The following DCC variants were observed in gnomAD, a reference collection of about 807,000 sequenced individuals.
DCC encodes netrin receptor DCC.
In DCC, 58 loss-of-function variants were observed where a neutral mutation model predicts 172.5. The observed-to-expected ratio is 0.34, with a 90% CI of 0.27 to 0.42. The LOEUF is 0.42. DCC is among the 10% of genes least tolerant of loss of function. DCC has a pLI of 1.00. For missense variants in DCC, 1,740 were observed against 1,791.0 expected, an observed-to-expected ratio of 0.97 and a Z score of 0.51; for synonymous variants, 709 against 644.5, an observed-to-expected ratio of 1.10 and a Z score of -1.52.
At chr18:52,819,898 T>C (rs1478872322) in intron 2 of DCC, among the ~76,000 whole-genome samples, 1 of 151,972 alleles carries the variant, frequency 6.6e-6, no homozygotes, top group African/African-American at 2.4e-5. Context: ...TTTTTTTTAT[T>C]TTTAGTAGAG....
chr18:52,532,949 C>T (rs2032192901), intron 1 of DCC, among the ~76,000 whole-genome samples: 1 of 152,120 alleles, frequency 6.6e-6, no homozygotes, highest in South Asian at 2.1e-4. Flanking sequence ...GACTCATTCC[C>T]ACCACCTCTC....
chr18:52,521,642 CTGTATT>C (rs1379098279), intron 1 of DCC, among the ~76,000 whole-genome samples: 5 of 152,036 alleles, frequency 3.3e-5, no homozygotes, highest in Non-Finnish European at 7.4e-5. Context: ...CTGATAAACT[CTGTATT>C]TGTCTTCAGT....
At chr18:53,387,441 T>C (rs1267966838) in intron 16 of DCC, among the ~76,000 whole-genome samples, 2 of 152,212 alleles carry the variant, frequency 1.3e-5, no homozygotes, top group Non-Finnish European at 2.9e-5. Flanking sequence ...GATGTCAATA[T>C]GTTTATTTAT....
At chr18:52,566,647 A>C (rs554153703) in intron 1 of DCC, among the ~76,000 whole-genome samples, 1 of 152,314 alleles carries the variant, frequency 6.6e-6, no homozygotes, top group Non-Finnish European at 1.5e-5. Flanking sequence ...TTAAATTTAA[A>C]AAAATGATAT....
At chr18:52,826,572 C>T (rs2038514353) in intron 2 of DCC, among the ~76,000 whole-genome samples, 1 of 152,156 alleles carries the variant, frequency 6.6e-6, no homozygotes, top group Admixed American at 6.5e-5. Flanking sequence ...CTTCGGTCTC[C>T]CAGCCTCAAG....
In DCC at chr18:52,490,822, G is replaced by T. The variant is rs192980372; in HGVS notation, c.91+149944G>T. Among the ~76,000 whole-genome samples the T allele has an allele frequency of 7.9e-5, 12 of 152,204 alleles. 1 individual carries two copies. Among genetic ancestry groups the T allele is most frequent in the African/African-American group, 2.9e-4 (12 of 41,556 alleles). ...TTGTGAGGGATAAGAAAAAGAATAT[G>T]TCTCCAGACCAATGCTAAAGCTTAC... On this transcript the variant is annotated intron_variant, in intron 1 of 28. Transcript: ENST00000442544.
At chr18:53,312,076 G>A (rs12606025) in intron 13 of DCC, among the ~76,000 whole-genome samples, 2 of 151,038 alleles carry the variant, frequency 1.3e-5, no homozygotes, top group African/African-American at 4.9e-5. Context: ...TTGGGAGGCC[G>A]AGGCGGGCGG....
chr18:52,827,451 C>T (rs908349492), intron 2 of DCC, among the ~76,000 whole-genome samples: 34 of 152,212 alleles, frequency 2.2e-4, no homozygotes, highest in Admixed American at 1.8e-3. Context: ...TCTTAAGCAA[C>T]TTCTCTAGAG....
At chr18:53,475,615 G>A (rs2045752789) in intron 25 of DCC, among the ~76,000 whole-genome samples, 1 of 152,234 alleles carries the variant, frequency 6.6e-6, no homozygotes, top group Admixed American at 6.5e-5. Flanking sequence ...GGGAACCTCT[G>A]CCTGGATTTC....
chr18:52,583,634 G>A (rs1162195275), intron 1 of DCC, among the ~76,000 whole-genome samples: 1 of 152,096 alleles, frequency 6.6e-6, no homozygotes, highest in Non-Finnish European at 1.5e-5. Flanking sequence ...GGTTTAACGT[G>A]TATATTTCAC....
At position 52,626,013 on chromosome 18, in the gene DCC, C is replaced by T. The variant is rs185307516; in HGVS notation, c.92-126041C>T. Among the ~76,000 whole-genome samples the T allele has an allele frequency of 1.2e-4, 19 of 152,208 alleles. No individual in the cohort carries two copies. In the East Asian group the frequency reaches 3.7e-3, roughly 29 times the overall value. ...GCTGTAAACAGAGCTGGCTCTGGGT[C>T]CTCTTCTTTTCTCAATGTACATACT... On this transcript the variant is annotated intron_variant, in intron 1 of 28. Transcript: ENST00000442544.
chr18:53,014,285 T>A (rs1205049549), intron 5 of DCC, among the ~76,000 whole-genome samples: 6 of 152,130 alleles, frequency 3.9e-5, no homozygotes, highest in African/African-American at 1.4e-4. Context: ...TATGGATAAT[T>A]ATTTTTTTTA....
intron 7 of DCC, among the ~76,000 whole-genome samples, chr18:53,111,341 T>C (rs1421072378): frequency 6.7e-6 from 1 of 150,374 alleles, no homozygotes; most frequent in African/African-American, 2.4e-5. Flanking sequence ...ATGGCACATG[T>C]ATACATATGT....
At chr18:53,460,931 C>T (rs867789921) in intron 24 of DCC, among the ~76,000 whole-genome samples, 112 of 152,288 alleles carry the variant, frequency 7.4e-4, no homozygotes, top group Middle Eastern at 3.4e-3. Context: ...TCCACATCCT[C>T]TCCAGGACCT....
chr18:52,558,390 AC>A (rs553839068), intron 1 of DCC, among the ~76,000 whole-genome samples: 286 of 152,244 alleles, frequency 1.9e-3, no homozygotes, highest in African/African-American at 6.6e-3. Context: ...TAATTGCTTT[AC>A]CTACTGTTTT....
intron 7 of DCC, among the ~76,000 whole-genome samples, chr18:53,095,025 T>A (rs1232815077): frequency 1.3e-5 from 2 of 152,200 alleles, no homozygotes; most frequent in African/African-American, 4.8e-5. Context: ...GCAATTAACT[T>A]CTATTATCAC....
chr18:53,325,940 A>G (rs538828411), intron 14 of DCC, among the ~76,000 whole-genome samples: 21 of 152,326 alleles, frequency 1.4e-4, no homozygotes, highest in African/African-American at 4.6e-4. Context: ...TCTGACAGCT[A>G]GGATTGTAAG....
intron 5 of DCC, among the ~76,000 whole-genome samples, chr18:52,957,714 G>A (rs1050124082): frequency 3.9e-5 from 6 of 152,068 alleles, no homozygotes; most frequent in Admixed American, 2.0e-4. Flanking sequence ...AAGATCTGTG[G>A]GAATAGCAAG....
intron 1 of DCC, among the ~76,000 whole-genome samples, chr18:52,570,340 A>G (rs887077280): frequency 1.3e-5 from 2 of 152,164 alleles, no homozygotes; most frequent in African/African-American, 2.4e-5. Flanking sequence ...TCCCGTTTAT[A>G]TAGAAATATT....
Sources: allele counts gnomAD v4.1 joint callset (sites outside exome capture counted in the v4.1 genomes callset), GRCh38; gene constraint gnomAD v4.1.1; transcripts MANE v1.5; gene names NCBI Gene and HGNC (gene_info 2026-07-23, HGNC 2026-07-21).